The following KIF6 variants were observed in gnomAD, a reference collection of about 807,000 sequenced individuals.
The protein encoded by KIF6 is kinesin family member 6.
A neutral mutation model predicts 112.7 loss-of-function variants in KIF6; 106 were observed. The ratio of observed to expected loss-of-function variants is 0.94; its 90% CI spans 0.80 to 1.11. The LOEUF is 1.11. Among genes scored for constraint, KIF6 ranks in the 50% least tolerant of loss-of-function variants. The pLI, the probability that KIF6 is intolerant of heterozygous loss-of-function variation, is 0.00. For synonymous variants in KIF6, 339 were observed against 339.9 expected, an observed-to-expected ratio of 1.00 and a Z score of 0.03; for missense variants, 929 against 964.0, an observed-to-expected ratio of 0.96 and a Z score of 0.48.
chr6:39,338,077 G>A (rs1220077084), intron 22 of KIF6, among the ~76,000 whole-genome samples: 2 of 152,216 alleles, frequency 1.3e-5, no homozygotes, highest in Non-Finnish European at 2.9e-5. Context: ...ACTGGTAAGA[G>A]TGATATGCAG....
chr6:39,619,012 C>T lies in KIF6; in HGVS notation c.510-5694G>A, dbSNP rs544743854. Among the ~76,000 whole-genome samples the T allele has an allele frequency of 3.3e-5, 5 of 152,242 alleles. No homozygotes were observed. In the South Asian group the frequency reaches 1.0e-3, roughly 32 times the overall value. ...TCTTTTTATTTTATTCTTATTGGCT[C>T]AAAATAAATCTCTTTAAAATATTTT... On this transcript the variant is annotated intron_variant, in intron 5 of 22. Coordinates refer to ENST00000287152, the MANE Select transcript of KIF6 (RefSeq NM_145027.6).
chr6:39,677,591 T>A (rs1270919465), intron 3 of KIF6, among the ~76,000 whole-genome samples: 1 of 148,682 alleles, frequency 6.7e-6, no homozygotes, highest in Admixed American at 6.7e-5. Context: ...TGCAGGTTAG[T>A]TACATATGTA....
In KIF6 at chr6:39,578,064, C is replaced by T. The variant is rs769580188; in HGVS notation, c.1173G>A (p.Glu391=). The part of the protein sequence containing the change: ...EQRTEALTEA[E]LLQLEKLITS... ...AAAGTCTGCAGACTTACTGAAGGAG[C>T]TCTGCTTCTGTGAGTGCCTCTGTCC... Residue 391 remains glutamate (E), a synonymous_variant, in exon 10 of 23, where the codon GAG becomes GAA. Coordinates refer to ENST00000287152, the MANE Select transcript of KIF6 (RefSeq NM_145027.6). The T allele has an allele frequency of 6.2e-6, 10 of 1,609,958 alleles. No individual in the cohort carries two copies. The Admixed American group carries it at 1.2e-4, about 19-fold the overall frequency.
chr6:39,377,659 C>A lies in KIF6; in HGVS notation c.1861+7963G>T, dbSNP rs377010391. ...GCCACAAGAGGTCACTGCAGGAATG[C>A]TGGTTGGGGGAAAAGAGCCCTCTCA... On this transcript the variant is annotated intron_variant, in intron 16 of 22. Transcript: ENST00000287152. 5.3e-5 allele frequency among the ~76,000 whole-genome samples: 8 copies of A among 152,290 alleles called. No homozygotes were observed. The East Asian group carries it at 1.4e-3, about 26-fold the overall frequency.
intron 14 of KIF6, among the ~76,000 whole-genome samples, chr6:39,428,672 A>C (rs1770933071): frequency 6.6e-6 from 1 of 152,166 alleles, no homozygotes; most frequent in African/African-American, 2.4e-5. Context: ...GGGACTCATA[A>C]AGTATACCTT....
intron 3 of KIF6, among the ~76,000 whole-genome samples, chr6:39,681,587 A>G (rs757787504): frequency 9.2e-5 from 14 of 152,206 alleles, no homozygotes; most frequent in Non-Finnish European, 2.1e-4. Flanking sequence ...TCAGCCAGAA[A>G]CAAACAAAAA....
At chr6:39,593,930 C>T (rs1396994818) in intron 7 of KIF6, among the ~76,000 whole-genome samples, 1 of 152,238 alleles carries the variant, frequency 6.6e-6, no homozygotes, top group Non-Finnish European at 1.5e-5. Context: ...AAGATTACAT[C>T]TTTAATTCAT....
At chr6:39,442,283 C>T (rs1189140790) in intron 13 of KIF6, among the ~76,000 whole-genome samples, 1 of 152,200 alleles carries the variant, frequency 6.6e-6, no homozygotes, top group Non-Finnish European at 1.5e-5. Context: ...GTGGACAGGC[C>T]TGGAGCCTCT....
chr6:39,432,630 C>G (rs1481173442), intron 13 of KIF6, among the ~76,000 whole-genome samples: 2 of 152,172 alleles, frequency 1.3e-5, no homozygotes, highest in East Asian at 3.8e-4. Flanking sequence ...CTTGCACACT[C>G]TAGAATTGGG....
At chr6:39,339,326 A>C (rs1763197179) in intron 22 of KIF6, among the ~76,000 whole-genome samples, 1 of 152,162 alleles carries the variant, frequency 6.6e-6, no homozygotes, top group African/African-American at 2.4e-5. Flanking sequence ...GAATCTGTAC[A>C]TGACAGACAG....
At chr6:39,407,934 A>G (rs1483112382) in intron 15 of KIF6, among the ~76,000 whole-genome samples, 2 of 152,120 alleles carry the variant, frequency 1.3e-5, no homozygotes, top group African/African-American at 4.8e-5. Flanking sequence ...AAACAGAAAA[A>G]AGCAACTGTC....
intron 5 of KIF6, chr6:39,617,594 A>G: frequency 2.6e-6 from 1 of 391,158 alleles, no homozygotes. Flanking sequence ...TGCTATTCAC[A>G]TCATGGGTTT....
intron 13 of KIF6, among the ~76,000 whole-genome samples, chr6:39,533,068 T>G (rs1203018921): frequency 1.3e-5 from 2 of 152,122 alleles, no homozygotes; most frequent in Non-Finnish European, 2.9e-5. Flanking sequence ...GGTCTAAAGC[T>G]CCCAGCGTGA....
In KIF6 at chr6:39,678,636, G is replaced by A. The variant is rs866722811; in HGVS notation, c.251+36056C>T. On this transcript the variant is annotated intron_variant, in intron 3 of 22. Coordinates refer to ENST00000287152, the MANE Select transcript of KIF6 (RefSeq NM_145027.6). The stretch of plus-strand genomic sequence containing the variant: ...TAGCCCAAAGGGAACCAAATCAAAC[G>A]AACCAACAATTTTGCACAAATTCCC... Among the ~76,000 whole-genome samples the A allele has an allele frequency of 3.9e-5, 6 of 152,128 alleles. No homozygotes were observed. The South Asian group carries it at 6.2e-4, about 16-fold the overall frequency.
chr6:39,480,751 T>A (rs1000670253), intron 13 of KIF6, among the ~76,000 whole-genome samples: 2 of 152,170 alleles, frequency 1.3e-5, no homozygotes. Flanking sequence ...ATTGGTCTGT[T>A]AAGGATTTCT....
chr6:39,472,025 C>A (rs1774143881), intron 13 of KIF6, among the ~76,000 whole-genome samples: 1 of 152,138 alleles, frequency 6.6e-6, no homozygotes, highest in Non-Finnish European at 1.5e-5. Context: ...AGCCTAAATC[C>A]TTCCCAGGAG....
At chr6:39,566,701 T>C (rs1002312847) in intron 10 of KIF6, among the ~76,000 whole-genome samples, 1 of 152,236 alleles carries the variant, frequency 6.6e-6, no homozygotes, top group Non-Finnish European at 1.5e-5. Flanking sequence ...GAAGCAGATG[T>C]AATTTAGATC....
At chr6:39,460,514 T>A (rs1773399973) in intron 13 of KIF6, among the ~76,000 whole-genome samples, 1 of 71,688 alleles carries the variant, frequency 1.4e-5, no homozygotes, top group Admixed American at 1.7e-4. Flanking sequence ...CCCTAAAACT[T>A]AAAGTATAAT....
chr6:39,337,241 C>CTTTCTTTTTT (rs1562103074), intron 22 of KIF6, among the ~76,000 whole-genome samples: 3 of 66,652 alleles, frequency 4.5e-5, no homozygotes, highest in African/African-American at 1.3e-4. Context: ...CTTTCTTTTT[C>CTTTCTTTTTT]TTTCTTTTCT....
Sources: allele counts gnomAD v4.1 joint callset (sites outside exome capture counted in the v4.1 genomes callset), GRCh38; gene constraint gnomAD v4.1.1; transcripts MANE v1.5; gene names NCBI Gene and HGNC (gene_info 2026-07-23, HGNC 2026-07-21).